OTC: variants seen among roughly 807,000 people sequenced by gnomAD.
OTC encodes ornithine transcarbamylase, also known as ornithine transcarbamylase, mitochondrial.
In OTC, 3 loss-of-function variants were observed where a neutral mutation model predicts 30.3. That is an observed-to-expected ratio of 0.10 (90% CI 0.05 to 0.26). The LOEUF is 0.26. Among genes scored for constraint, OTC ranks in the 10% least tolerant of loss-of-function variants. OTC has a pLI of 1.00. For missense variants in OTC, 194 were observed against 260.3 expected, an observed-to-expected ratio of 0.75 and a Z score of 1.75; for synonymous variants, 111 against 99.7, an observed-to-expected ratio of 1.11 and a Z score of -0.67.
chrX:38,330,671 A>T, the OTC span, among the ~76,000 whole-genome samples: 1 of 112,109 alleles, frequency 8.9e-6, no homozygotes, highest in Admixed American at 9.4e-5. Context: ...AAGTCCATGC[A>T]GCAATGCACA....
At chrX:38,413,678 G>GT (rs1252067350) in intron 9 of OTC, among the ~76,000 whole-genome samples, 33 of 87,256 alleles carry the variant, frequency 3.8e-4, no homozygotes, top group East Asian at 8.4e-4. Flanking sequence ...TTTTTTTTTT[G>GT]TTTTTTTTTG....
At chrX:38,340,459 G>GTTTTTTT in the OTC span, among the ~76,000 whole-genome samples, 6 of 60,517 alleles carry the variant, frequency 9.9e-5, no homozygotes, top group Admixed American at 2.2e-4. Flanking sequence ...TTGTTTTTTT[G>GTTTTTTT]TTTTTTTTTT....
chrX:38,382,139 C>A (rs1474742246), intron 4 of OTC, among the ~76,000 whole-genome samples: 1 of 111,894 alleles, frequency 8.9e-6, no homozygotes, highest in East Asian at 2.8e-4. Flanking sequence ...TGTTTCAAAG[C>A]CACCTTAGCA....
rs72556258 is a variant in OTC at position 38,401,297 on chromosome X, G to A, written c.409G>A (p.Ala137Thr). Residue 137 changes from alanine to threonine, a missense_variant, in exon 5 of 10, where the codon GCA becomes ACA. Ala to Thr is a moderately conservative substitution (Grantham distance 58, BLOSUM62 0). Coordinates refer to ENST00000039007, the MANE Select transcript of OTC (RefSeq NM_000531.6). ...TARVLSSMAD[A>T]VLARVYKQSD... ...CAGTGTATTGTCTAGCATGGCAGAT[G>A]CAGTATTGGCTCGAGTGTATAAACA... The A allele has an allele frequency of 5.8e-6, 7 of 1,203,806 alleles. No homozygotes were observed. The highest frequency in any genetic ancestry group is 6.8e-6 in the Non-Finnish European group (6 of 888,527).
chrX:38,334,527 C>T, the OTC span, among the ~76,000 whole-genome samples: 3 of 111,396 alleles, frequency 2.7e-5, no homozygotes, highest in African/African-American at 9.8e-5. Context: ...AGACTCAAGT[C>T]AGAAGATTGA....
chrX:38,381,665 C>T lies in OTC; in HGVS notation c.386+236C>T, dbSNP rs757252630. On this transcript the variant is annotated intron_variant, in intron 4 of 9. Coordinates refer to ENST00000039007, the MANE Select transcript of OTC (RefSeq NM_000531.6). Reference sequence around the variant, plus strand: ...AAGCTTCTGATCATAAAATTTCAAACTTATGGAAATTTTGAGTTCATCAAG... The same window carrying T: ...AAGCTTCTGATCATAAAATTTCAAATTTATGGAAATTTTGAGTTCATCAAG... Among the ~76,000 whole-genome samples the T allele has an allele frequency of 9.0e-5, 10 of 111,653 alleles. No individual in the cohort carries two copies. In the East Asian group the frequency reaches 2.8e-3, roughly 31 times the overall value.
chrX:38,381,324 C>CTTTTT lies in OTC; in HGVS notation c.299-12_299-8dup. On this transcript the variant is annotated splice_polypyrimidine_tract_variant and intron_variant, in intron 3 of 9. Coordinates refer to ENST00000039007, the MANE Select transcript of OTC (RefSeq NM_000531.6). ...GTTGTTTTTTCAAAATGATTTTTTT[C>CTTTTT]TTTTTTTTTTATTGTAGGCTTTGCA... The CTTTTT allele has an allele frequency of 2.1e-6, 2 of 940,646 alleles. No individual in the cohort carries two copies. Among genetic ancestry groups the CTTTTT allele is most frequent in the East Asian group, 3.8e-5 (1 of 26,553 alleles). The allele number at this position is 940,646 out of a possible 1,213,427, so 77.5% of individuals were successfully genotyped here. A position where few individuals can be genotyped will look rare whatever the true frequency, so the allele number is the denominator to read the frequency against.
chrX:38,348,200 A>G (rs1479006954), upstream of OTC, among the ~76,000 whole-genome samples: 2 of 111,922 alleles, frequency 1.8e-5, no homozygotes, highest in Non-Finnish European at 3.8e-5. Flanking sequence ...CAGCCCTAAT[A>G]TGTATTCAGG....
intron 4 of OTC, among the ~76,000 whole-genome samples, chrX:38,392,416 T>C: frequency 8.9e-6 from 1 of 112,107 alleles, no homozygotes; most frequent in Non-Finnish European, 1.9e-5. Context: ...TCTTACAATG[T>C]TTAAAGCTGG....
intron 4 of OTC, among the ~76,000 whole-genome samples, chrX:38,387,113 A>G (rs1183517063): frequency 8.9e-6 from 1 of 112,061 alleles, no homozygotes; most frequent in Non-Finnish European, 1.9e-5. Context: ...AGAAATATCT[A>G]TTCAAATCTT....
intron 4 of OTC, among the ~76,000 whole-genome samples, chrX:38,399,811 C>A (rs996449361): frequency 9.0e-6 from 1 of 111,369 alleles, no homozygotes; most frequent in Non-Finnish European, 1.9e-5. Context: ...AACCCCTTGT[C>A]TTAGTCCACC....
intron 1 of OTC, among the ~76,000 whole-genome samples, chrX:38,365,103 A>G (rs769681380): frequency 8.9e-6 from 1 of 112,858 alleles, no homozygotes; most frequent in East Asian, 2.8e-4. Context: ...ATCCCAACAG[A>G]TGATTAACTC....
At chrX:38,414,676 C>T (rs183047180) in intron 9 of OTC, among the ~76,000 whole-genome samples, 45 of 111,803 alleles carry the variant, frequency 4.0e-4, no homozygotes, top group Non-Finnish European at 7.7e-4. Flanking sequence ...AGTTTTAATT[C>T]TTAGATCCCT....
downstream of OTC, among the ~76,000 whole-genome samples, chrX:38,422,516 A>G (rs2068600764): frequency 8.9e-6 from 1 of 112,062 alleles, no homozygotes; most frequent in Non-Finnish European, 1.9e-5. Context: ...CTGCCATAGT[A>G]ACGAGCTCCC....
At chrX:38,388,621 T>C (rs2068415988) in intron 4 of OTC, among the ~76,000 whole-genome samples, 1 of 111,533 alleles carries the variant, frequency 9.0e-6, no homozygotes, top group African/African-American at 3.3e-5. Context: ...ATGACAGCTT[T>C]TCATGCCTAA....
intron 4 of OTC, among the ~76,000 whole-genome samples, chrX:38,399,363 A>T (rs953502948): frequency 9.0e-6 from 1 of 111,283 alleles, no homozygotes; most frequent in Non-Finnish European, 1.9e-5. Context: ...GAATATTTTT[A>T]AAAATAATGA....
At chrX:38,340,470 T>TTG in the OTC span, among the ~76,000 whole-genome samples, 33 of 92,426 alleles carry the variant, frequency 3.6e-4, no homozygotes, top group African/African-American at 1.3e-3. Context: ...TTTTTTTTTT[T>TTG]TTGTTTTTTT....
chrX:38,371,604 A>G (rs1245262317), intron 3 of OTC, among the ~76,000 whole-genome samples: 1 of 112,212 alleles, frequency 8.9e-6, no homozygotes, highest in East Asian at 2.8e-4. Flanking sequence ...TCAAAAAGAA[A>G]GTTCAGGGGG....
chrX:38,332,523 T>TATATATATATATATATATATAC, the OTC span, among the ~76,000 whole-genome samples: 73 of 86,362 alleles, frequency 8.5e-4, 4 homozygotes, highest in African/African-American at 2.9e-3. Context: ...TATATATATA[T>TATATATATATATATATATATAC]ATATATATAT....
Sources: gnomAD v4.1 joint callset for allele counts (sites outside exome capture counted in the v4.1 genomes callset) on GRCh38, gnomAD v4.1.1 for gene constraint, MANE v1.5 for transcripts, NCBI Gene and HGNC (gene_info 2026-07-23, HGNC 2026-07-21) for gene names.